The following LRP1B variants were observed in gnomAD, a reference collection of about 807,000 sequenced individuals.
The protein encoded by LRP1B is LDL receptor related protein 1B.
LRP1B carries 217 observed loss-of-function variants against 556.6 expected under a neutral mutation model. The observed-to-expected ratio is 0.39, with a 90% CI of 0.35 to 0.44. The LOEUF (loss-of-function observed/expected upper bound fraction) is 0.44, where lower values mean the gene tolerates loss of function less well. Among genes scored for constraint, LRP1B ranks in the 20% least tolerant of loss-of-function variants. The probability of loss-of-function intolerance (pLI) is 1.00; values close to 1 mark genes in which losing one functional copy is unlikely to be tolerated. For missense variants in LRP1B, 5,053 were observed against 5,620.8 expected (o/e 0.90, Z 3.23); for synonymous variants, 2,047 against 1,865.8 (o/e 1.10, Z -2.50).
At chr2:141,957,414 C>T (rs949678359) in intron 1 of LRP1B, among the ~76,000 whole-genome samples, 1 of 150,824 alleles carries the variant, frequency 6.6e-6, no homozygotes, top group Non-Finnish European at 1.5e-5. Context: ...GTGTACACTC[C>T]CAGCTTTGTT....
intron 2 of LRP1B, among the ~76,000 whole-genome samples, chr2:141,514,352 G>A (rs1684234265): frequency 6.6e-6 from 1 of 152,094 alleles, no homozygotes; most frequent in Admixed American, 6.6e-5. Context: ...CCATCCACGG[G>A]ATCTTGTTGA....
At chr2:140,583,233 T>C (rs1309621485) in intron 43 of LRP1B, among the ~76,000 whole-genome samples, 1 of 139,422 alleles carries the variant, frequency 7.2e-6, no homozygotes, top group East Asian at 2.2e-4. Flanking sequence ...TGGAGTGAAG[T>C]AATGTGATCT....
At chr2:141,233,909 A>G (rs1044611299) in intron 5 of LRP1B, among the ~76,000 whole-genome samples, 5 of 152,068 alleles carry the variant, frequency 3.3e-5, no homozygotes, top group Non-Finnish European at 4.4e-5. Context: ...TCTATATTCT[A>G]ATTTTCCTTA....
chr2:141,649,689 T>C (rs549799048), intron 2 of LRP1B, among the ~76,000 whole-genome samples: 2 of 152,216 alleles, frequency 1.3e-5, no homozygotes, highest in Non-Finnish European at 2.9e-5. Flanking sequence ...CCTTATTTCA[T>C]TAATTTTGTT....
intron 2 of LRP1B, among the ~76,000 whole-genome samples, chr2:141,518,823 G>A (rs752330195): frequency 9.2e-5 from 14 of 152,122 alleles, no homozygotes; most frequent in Non-Finnish European, 2.1e-4. Context: ...GGTGGCGGGC[G>A]CCTGTAATCC....
rs1343856111 is a variant in LRP1B, at chr2:141,494,085, T to G, written c.206-13552A>C. On this transcript the variant is annotated intron_variant, in intron 2 of 90. Transcript: ENST00000389484. ...ATCAAGCAGACCAGCTACATGACAG[T>G]TGCTACGTCTTCCTGGTGAAGACCT... is the stretch of plus-strand genomic sequence containing the variant. 2.0e-5 allele frequency among the ~76,000 whole-genome samples: 3 copies of G among 152,298 alleles called. No homozygotes were observed. The East Asian group carries it at 5.8e-4, about 29-fold the overall frequency.
At chr2:140,816,085 G>T (rs559585195) in intron 31 of LRP1B, among the ~76,000 whole-genome samples, 1 of 151,802 alleles carries the variant, frequency 6.6e-6, no homozygotes, top group African/African-American at 2.4e-5. Context: ...AAAGAGTTCT[G>T]CCTAGAAAAG....
chr2:141,466,866 T>C (rs1417585211), intron 3 of LRP1B, among the ~76,000 whole-genome samples: 1 of 151,312 alleles, frequency 6.6e-6, no homozygotes, highest in Non-Finnish European at 1.5e-5. Flanking sequence ...TTTTTTTTAA[T>C]CCAGTCTTTT....
chr2:140,780,939 A>C (rs1296037989), intron 32 of LRP1B, among the ~76,000 whole-genome samples: 2 of 152,138 alleles, frequency 1.3e-5, no homozygotes, highest in African/African-American at 4.8e-5. Flanking sequence ...TCCACAGGCA[A>C]CATATAAAAT....
chr2:141,818,437 A>G (rs1192710921), intron 1 of LRP1B, among the ~76,000 whole-genome samples: 1 of 151,788 alleles, frequency 6.6e-6, no homozygotes, highest in Non-Finnish European at 1.5e-5. Context: ...TTCTTTCTAA[A>G]TACTTTCTTC....
intron 1 of LRP1B, among the ~76,000 whole-genome samples, chr2:142,016,880 G>T (rs904795157): frequency 3.5e-5 from 5 of 141,930 alleles, no homozygotes; most frequent in African/African-American, 1.3e-4. Context: ...ATGTATATAT[G>T]TGTTTATATG....
chr2:141,441,040 G>A (rs1486581948), intron 3 of LRP1B, among the ~76,000 whole-genome samples: 3 of 151,794 alleles, frequency 2.0e-5, no homozygotes, highest in African/African-American at 4.8e-5. Flanking sequence ...AATAGTGTGA[G>A]GCTGAGAAGC....
chr2:141,199,468 C>G (rs1327746755), intron 6 of LRP1B, among the ~76,000 whole-genome samples: 1 of 152,032 alleles, frequency 6.6e-6, no homozygotes, highest in Non-Finnish European at 1.5e-5. Flanking sequence ...GGCTTTCCAC[C>G]ATGATCAGGA....
chr2:141,919,912 A>G (rs1345869960), intron 1 of LRP1B, among the ~76,000 whole-genome samples: 2 of 152,016 alleles, frequency 1.3e-5, no homozygotes, highest in East Asian at 3.9e-4. Flanking sequence ...CAATAGAGAA[A>G]TGTCAAAGAA....
chr2:141,511,314 C>G (rs1684123712), intron 2 of LRP1B, among the ~76,000 whole-genome samples: 1 of 152,106 alleles, frequency 6.6e-6, no homozygotes, highest in Non-Finnish European at 1.5e-5. Flanking sequence ...TGAGCACAAA[C>G]ACCTGGCTTA....
intron 7 of LRP1B, among the ~76,000 whole-genome samples, chr2:141,180,704 A>C (rs941946113): frequency 1.3e-5 from 2 of 151,988 alleles, no homozygotes; most frequent in Non-Finnish European, 2.9e-5. Flanking sequence ...GCCAAAAATT[A>C]AAAAACCCAA....
chr2:141,906,272 A>AG (rs1558952632), intron 1 of LRP1B, among the ~76,000 whole-genome samples: 1 of 151,774 alleles, frequency 6.6e-6, no homozygotes. Flanking sequence ...ACAAAAAAAA[A>AG]CAAAAACAAT....
At chr2:141,963,686 GA>G (rs1701472783) in intron 1 of LRP1B, among the ~76,000 whole-genome samples, 1 of 149,270 alleles carries the variant, frequency 6.7e-6, no homozygotes, top group Non-Finnish European at 1.5e-5. Context: ...ACTGGCACAA[GA>G]CAGGGATGCC....
intron 3 of LRP1B, among the ~76,000 whole-genome samples, chr2:141,419,711 C>A (rs956343365): frequency 5.9e-5 from 9 of 151,946 alleles, no homozygotes; most frequent in Admixed American, 6.5e-5. Flanking sequence ...AAAATAACTT[C>A]TAGATTTATT....
Sources: allele counts gnomAD v4.1 joint callset (sites outside exome capture counted in the v4.1 genomes callset), GRCh38; gene constraint gnomAD v4.1.1; transcripts MANE v1.5; gene names NCBI Gene and HGNC (gene_info 2026-07-23, HGNC 2026-07-21).